IL1R1: variants seen among roughly 807,000 people sequenced by gnomAD.
The protein encoded by IL1R1 is interleukin-1 receptor type 1.
IL1R1 carries 22 observed loss-of-function variants against 50.2 expected under a neutral mutation model. The observed-to-expected ratio is 0.44, with a 90% CI of 0.31 to 0.63. IL1R1 has a LOEUF of 0.63. Among genes scored for constraint, IL1R1 ranks in the 20% least tolerant of loss-of-function variants. The pLI is 0.07. For missense variants in IL1R1, 509 were observed against 676.2 expected (o/e 0.75, Z 2.74); for synonymous variants, 251 against 236.7 (o/e 1.06, Z -0.55).
intron 1 of IL1R1, among the ~76,000 whole-genome samples, chr2:102,089,870 G>A (rs1480507897): frequency 1.4e-5 from 2 of 140,096 alleles, no homozygotes; most frequent in African/African-American, 5.4e-5. Context: ...GTCTCACTCT[G>A]TTGCTCAGGC....
chr2:102,106,927 A>G (rs1577857437), intron 1 of IL1R1, among the ~76,000 whole-genome samples: 1 of 152,156 alleles, frequency 6.6e-6, no homozygotes, highest in African/African-American at 2.4e-5. Context: ...CAGTACTACA[A>G]CTAACACCCT....
chr2:102,176,156 C>G (rs556201154), intron 11 of IL1R1, 197 bp from the exon 12 acceptor site: 7 of 551,400 alleles, frequency 1.3e-5, no homozygotes, highest in African/African-American at 9.4e-5. Context: ...CACTGCGCTC[C>G]AGTGTGAGCA....
chr2:102,076,464 A>G (rs894985213), intron 1 of IL1R1, among the ~76,000 whole-genome samples: 33 of 152,272 alleles, frequency 2.2e-4, no homozygotes, highest in African/African-American at 7.9e-4. Flanking sequence ...TTTTATCTGG[A>G]GGGCTTCCTT....
chr2:102,093,718 G>T (rs539227228), intron 1 of IL1R1, among the ~76,000 whole-genome samples: 1 of 152,118 alleles, frequency 6.6e-6, no homozygotes, highest in East Asian at 1.9e-4. Context: ...CTTTTTAAGA[G>T]TTCTTTACAT....
intron 1 of IL1R1, among the ~76,000 whole-genome samples, chr2:102,090,632 T>C (rs1679624667): frequency 6.6e-6 from 1 of 152,222 alleles, no homozygotes; most frequent in Non-Finnish European, 1.5e-5. Context: ...ATTTTTCAGT[T>C]CTAGATTGTC....
At chr2:102,150,010 G>A (rs894617852) in intron 1 of IL1R1, among the ~76,000 whole-genome samples, 4 of 152,180 alleles carry the variant, frequency 2.6e-5, no homozygotes, top group African/African-American at 9.7e-5. Context: ...ACTATCTGGG[G>A]TGCGCCTGCT....
chr2:102,165,813 G>T (rs544592455), intron 5 of IL1R1, among the ~76,000 whole-genome samples: 1 of 152,120 alleles, frequency 6.6e-6, no homozygotes, highest in Non-Finnish European at 1.5e-5. Flanking sequence ...TCAATGAAGT[G>T]CAGTATTGTT....
At chr2:102,163,072 T>C (rs1559499991) in intron 3 of IL1R1, among the ~76,000 whole-genome samples, 1 of 152,314 alleles carries the variant, frequency 6.6e-6, no homozygotes, top group East Asian at 1.9e-4. Flanking sequence ...ATTGTTTTGC[T>C]CTCTTCTGGC....
At chr2:102,091,822 C>G (rs989586619) in intron 1 of IL1R1, among the ~76,000 whole-genome samples, 1 of 152,176 alleles carries the variant, frequency 6.6e-6, no homozygotes, top group African/African-American at 2.4e-5. Flanking sequence ...TTATTCTTCT[C>G]TCTACCTTCA....
Position 102,174,649 on chromosome 2 carries a change from T to C in IL1R1, c.1054T>C (p.Ser352Pro). 6.2e-7 allele frequency: 1 copy of C among 1,612,136 alleles called. No individual in the cohort carries two copies. The part of the protein sequence containing the change: ...CVTLTVIIVC[S>P]VFIYKIFKID... The stretch of plus-strand genomic sequence containing the variant: ...CACGTTGACAGTCATAATTGTGTGT[T>C]CTGTTTTCATCTATAAAATCTTCAA... The change falls in exon 10 of 12, where the codon TCT (serine) becomes CCT (proline). Residue 352 changes from serine (S) to proline (P), a missense_variant. Physicochemically the swap from Ser to Pro is moderately conservative, Grantham distance 74 (BLOSUM62 -1). Coordinates refer to ENST00000410023, the MANE Select transcript of IL1R1 (RefSeq NM_000877.4).
intron 1 of IL1R1, among the ~76,000 whole-genome samples, chr2:102,098,202 A>G (rs939900350): frequency 6.6e-6 from 1 of 152,126 alleles, no homozygotes; most frequent in African/African-American, 2.4e-5. Context: ...ATAATATCCA[A>G]TATCTATTCT....
At chr2:102,107,615 C>T (rs1345773040) in intron 1 of IL1R1, among the ~76,000 whole-genome samples, 2 of 151,920 alleles carry the variant, frequency 1.3e-5, no homozygotes, top group South Asian at 2.1e-4. Flanking sequence ...ATGTTGTGCA[C>T]ATGTACCCTA....
At chr2:102,102,026 CAG>C (rs1680165827), upstream of IL1R1, among the ~76,000 whole-genome samples, 1 of 152,292 alleles carries the variant, frequency 6.6e-6, no homozygotes, top group South Asian at 2.1e-4. Context: ...GTTAACTAAA[CAG>C]TGCAGATTCC....
intron 1 of IL1R1, among the ~76,000 whole-genome samples, chr2:102,121,320 C>T (rs1414493135): frequency 2.0e-5 from 3 of 152,226 alleles, no homozygotes; most frequent in Non-Finnish European, 4.4e-5. Context: ...TCCCCCTCCT[C>T]GGTGCCTAGG....
chr2:102,130,655 C>T (rs1325196886), intron 1 of IL1R1, among the ~76,000 whole-genome samples: 2 of 130,268 alleles, frequency 1.5e-5, no homozygotes, highest in African/African-American at 3.0e-5. Context: ...TGTATTAATT[C>T]TTGGTTATGT....
At chr2:102,072,116 T>C (rs981703390) in intron 1 of IL1R1, among the ~76,000 whole-genome samples, 3 of 151,914 alleles carry the variant, frequency 2.0e-5, no homozygotes, top group Non-Finnish European at 2.9e-5. Context: ...AAAAATTAGC[T>C]GGGCATGGTG....
chr2:102,152,523 A>G (rs1247555229), intron 1 of IL1R1, among the ~76,000 whole-genome samples: 5 of 141,394 alleles, frequency 3.5e-5, no homozygotes, highest in African/African-American at 1.1e-4. Context: ...AAAAAAAAAA[A>G]AAAAAAAAAA....
At chr2:102,108,796 C>A (rs567798655) in intron 1 of IL1R1, among the ~76,000 whole-genome samples, 1 of 151,726 alleles carries the variant, frequency 6.6e-6, no homozygotes, top group Non-Finnish European at 1.5e-5. Flanking sequence ...AATGGAGAAC[C>A]CTGTCTTTAT....
chr2:102,152,544 AGAGTGTGGG>A (rs1307200107), intron 1 of IL1R1, among the ~76,000 whole-genome samples: 8 of 132,076 alleles, frequency 6.1e-5, no homozygotes, highest in African/African-American at 2.3e-4. Flanking sequence ...AAAAAAAAGA[AGAGTGTGGG>A]GAGTCACCTT....
Sources: gnomAD v4.1 joint callset for allele counts (sites outside exome capture counted in the v4.1 genomes callset) on GRCh38, gnomAD v4.1.1 for gene constraint, MANE v1.5 for transcripts, NCBI Gene and HGNC (gene_info 2026-07-23, HGNC 2026-07-21) for gene names.